Variants in LTBP1 observed in about 807,000 individuals in gnomAD.
LTBP1 encodes latent transforming growth factor beta binding protein 1.
Under a neutral mutation model 207.6 loss-of-function variants are expected in LTBP1, and 129 were observed. The observed-to-expected ratio is 0.62, with a 90% confidence interval of 0.54 to 0.72. The LOEUF is 0.72. Ranked by LOEUF, LTBP1 falls within the 30% of genes least tolerant of loss-of-function variation. LTBP1 has a pLI of 0.00. For missense variants in LTBP1, 2,281 were observed against 2,217.2 expected, an observed-to-expected ratio of 1.03 and a Z score of -0.58; for synonymous variants, 963 against 833.7, an observed-to-expected ratio of 1.16 and a Z score of -2.67.
At chr2:33,208,863 C>CTTTT (rs2090077719) in intron 7 of LTBP1, among the ~76,000 whole-genome samples, 2 of 98,662 alleles carry the variant, frequency 2.0e-5, no homozygotes, top group Admixed American at 1.1e-4. Flanking sequence ...AGTCTTGCTA[C>CTTTT]TATTTTTTTT....
intron 26 of LTBP1, among the ~76,000 whole-genome samples, chr2:33,349,105 A>G (rs2094744175): frequency 6.6e-6 from 1 of 152,248 alleles, no homozygotes; most frequent in African/African-American, 2.4e-5. Context: ...ATTAAAAACT[A>G]GAAATCATAA....
rs1000843210 is a variant in LTBP1 at position 33,084,903 on chromosome 2, G to A, written c.864-25679G>A. On this transcript the variant is annotated intron_variant, in intron 3 of 33. Transcript: ENST00000404816. ...TTTTGGTTTCCAGCCTTTGGGGGTT[G>A]AATGATAACCCTCATCCCCCAAAAA... 5.3e-5 allele frequency among the ~76,000 whole-genome samples: 8 copies of A among 152,184 alleles called. No homozygotes were observed. The East Asian group carries it at 1.2e-3, about 22-fold the overall frequency.
intron 22 of LTBP1, among the ~76,000 whole-genome samples, chr2:33,309,040 T>G (rs565486836): frequency 7.9e-4 from 120 of 152,246 alleles, no homozygotes; most frequent in African/African-American, 2.6e-3. Context: ...CTCAACACTT[T>G]GGGAGGCTGA....
intron 24 of LTBP1, among the ~76,000 whole-genome samples, chr2:33,340,824 T>C (rs1196384754): frequency 6.6e-6 from 1 of 152,226 alleles, no homozygotes; most frequent in Non-Finnish European, 1.5e-5. Context: ...AACTTACCAA[T>C]GTTATTAATA....
rs541460246 is a variant in LTBP1 at position 33,064,541 on chromosome 2, T to C, written c.863+43335T>C. Among the ~76,000 whole-genome samples the C allele has an allele frequency of 5.3e-4, 80 of 152,316 alleles. No homozygotes were observed. In the South Asian group the frequency reaches 8.1e-3, roughly 15 times the overall value. ...GTAGCCCAGGTCGATGTTACTCGTG[T>C]AGTAGGTTTGTGTCGCAGTTGAGGA... On this transcript the variant is annotated intron_variant, in intron 3 of 33. Coordinates refer to ENST00000404816, the MANE Select transcript of LTBP1 (RefSeq NM_206943.4).
chr2:33,192,567 T>C (rs62146706), intron 7 of LTBP1, among the ~76,000 whole-genome samples: 8,451 of 152,016 alleles, frequency 0.056, 292 homozygotes, highest in Middle Eastern at 0.12. Context: ...ATGATGTTTG[T>C]AGAAAGAGAC....
chr2:33,170,074 G>A (rs967332368), intron 5 of LTBP1, among the ~76,000 whole-genome samples: 9 of 152,230 alleles, frequency 5.9e-5, no homozygotes, highest in Non-Finnish European at 8.8e-5. Context: ...CAGCGTGAGT[G>A]ATGCAGAAGA....
At chr2:33,312,966 A>G (rs2094209227) in intron 23 of LTBP1, among the ~76,000 whole-genome samples, 1 of 152,164 alleles carries the variant, frequency 6.6e-6, no homozygotes, top group South Asian at 2.1e-4. Context: ...GATAGAGGTA[A>G]TTCTTGGGCA....
At chr2:32,981,882 G>A (rs219140) in intron 2 of LTBP1, among the ~76,000 whole-genome samples, 34,071 of 152,198 alleles carry the variant, frequency 0.22, 4,632 homozygotes, top group Non-Finnish European at 0.31. Context: ...GTGGAACTGT[G>A]AGTCCATTAA....
intron 7 of LTBP1, among the ~76,000 whole-genome samples, chr2:33,212,900 A>G (rs1558823883): frequency 6.6e-6 from 1 of 152,230 alleles, no homozygotes; most frequent in African/African-American, 2.4e-5. Flanking sequence ...GAAAATAACT[A>G]ACATCTAAAA....
intron 26 of LTBP1, among the ~76,000 whole-genome samples, chr2:33,352,334 G>T (rs369556760): frequency 1.2e-4 from 18 of 152,162 alleles, no homozygotes; most frequent in African/African-American, 4.3e-4. Flanking sequence ...ATTTCACCAT[G>T]TTGGTCAGGC....
chr2:32,975,964 T>C (rs1681715464), intron 2 of LTBP1, among the ~76,000 whole-genome samples: 1 of 152,192 alleles, frequency 6.6e-6, no homozygotes, highest in Admixed American at 6.5e-5. Flanking sequence ...TGTTTGGAGG[T>C]AAGAAGACAC....
chr2:33,225,897 A>C (rs2091407429), intron 9 of LTBP1, among the ~76,000 whole-genome samples: 1 of 152,146 alleles, frequency 6.6e-6, no homozygotes, highest in Admixed American at 6.6e-5. Flanking sequence ...TCCATGTTAC[A>C]CAAATGACAG....
intron 5 of LTBP1, among the ~76,000 whole-genome samples, chr2:33,168,148 G>A (rs1558741252): frequency 6.6e-6 from 1 of 152,190 alleles, no homozygotes; most frequent in Non-Finnish European, 1.5e-5. Flanking sequence ...GGGAAGCTGA[G>A]GCGGGAGGAT....
chr2:33,326,604 T>G (rs2094430390), intron 24 of LTBP1, among the ~76,000 whole-genome samples: 1 of 146,610 alleles, frequency 6.8e-6, no homozygotes, highest in Admixed American at 6.8e-5. Context: ...TGCTTTTTTG[T>G]CTTCAAAGCC....
At position 33,365,429 on chromosome 2, in the gene LTBP1, C is replaced by T. The variant is rs773589794; in HGVS notation, c.4637C>T (p.Thr1546Met). 8.7e-6 allele frequency: 14 copies of T among 1,614,042 alleles called. No homozygotes were observed. Among genetic ancestry groups the T allele is most frequent in the East Asian group, 2.2e-5 (1 of 44,892 alleles). The change falls in exon 31 of 34, where the codon ACG becomes ATG. Residue 1546 changes from threonine (T) to methionine (M), a missense_variant. By Grantham distance (81) the Thr-to-Met change is moderately conservative. Around this residue, in one of 3 missense-constraint regions of LTBP1, gnomAD observed 1,671 missense variants for 1,634.8 expected, o/e 1.02. Transcript: ENST00000404816. Reference sequence around the variant, plus strand: ...CGGCCTCTTGTGGGCAAGCAGACAACGTACACTGAGTGCTGCTGTCTGTAT... The same window carrying T: ...CGGCCTCTTGTGGGCAAGCAGACAATGTACACTGAGTGCTGCTGTCTGTAT... ...CSRPLVGKQTTYTECCCLYGE... is the reference protein window; with the variant it reads ...CSRPLVGKQTMYTECCCLYGE...
At chr2:32,977,456 G>A (rs139661370) in intron 2 of LTBP1, among the ~76,000 whole-genome samples, 65 of 152,300 alleles carry the variant, frequency 4.3e-4, no homozygotes, top group African/African-American at 1.4e-3. Context: ...GGGTGAGGGC[G>A]GCTGGAGCAA....
intron 19 of LTBP1, among the ~76,000 whole-genome samples, chr2:33,287,573 G>A (rs906236813): frequency 3.9e-5 from 6 of 152,228 alleles, no homozygotes; most frequent in Non-Finnish European, 8.8e-5. Flanking sequence ...TGGCAGTTGA[G>A]TTTTGCTGAA....
chr2:32,980,957 C>T (rs769390744), intron 2 of LTBP1, among the ~76,000 whole-genome samples: 13 of 152,186 alleles, frequency 8.5e-5, no homozygotes, highest in Non-Finnish European at 1.6e-4. Context: ...ATGTATTGCG[C>T]TCCATTGTAT....
Sources: allele counts gnomAD v4.1 joint callset (sites outside exome capture counted in the v4.1 genomes callset), GRCh38; gene constraint gnomAD v4.1.1; regional missense constraint gnomAD v4.1.1; transcripts MANE v1.5; gene names NCBI Gene and HGNC (gene_info 2026-07-23, HGNC 2026-07-21).